OSBPL8: variants seen among roughly 807,000 people sequenced by gnomAD.
The protein encoded by OSBPL8 is oxysterol-binding protein-related protein 8.
A neutral mutation model predicts 125.5 loss-of-function variants in OSBPL8; 59 were observed. The ratio of observed to expected loss-of-function variants is 0.47; its 90% CI spans 0.38 to 0.58. OSBPL8 has a LOEUF of 0.58. Ranked by LOEUF, OSBPL8 falls within the 20% of genes least tolerant of loss-of-function variation. The probability of loss-of-function intolerance (pLI) is 0.00; values close to 1 mark genes in which losing one functional copy is unlikely to be tolerated. For synonymous variants in OSBPL8, 330 were observed against 338.9 expected (o/e 0.97, Z 0.29); for missense variants, 758 against 1,047.8 (o/e 0.72, Z 3.82).
At position 76,487,578 on chromosome 12, in the gene OSBPL8, T is replaced by C. The variant is rs1185653905; in HGVS notation, c.-27A>G. On this transcript the variant is annotated 5_prime_UTR_variant, in exon 2 of 24. Transcript: ENST00000261183. ...ATGAAAGAAGATAGGTTTATGCTTC[T>C]CTTTCCATTAATGTGCAGCCATTCT... The C allele has an allele frequency of 1.9e-6, 3 of 1,578,212 alleles. No homozygotes were observed. The highest frequency in any genetic ancestry group is 2.6e-6 in the Non-Finnish European group (3 of 1,167,038).
chr12:76,396,337 A>G (rs898549714), intron 8 of OSBPL8, among the ~76,000 whole-genome samples: 3 of 152,148 alleles, frequency 2.0e-5, no homozygotes, highest in Non-Finnish European at 4.4e-5. Flanking sequence ...CGCCCAAGAA[A>G]AAAGGATTAA....
At chr12:76,452,570 C>G (rs929303941) in intron 3 of OSBPL8, among the ~76,000 whole-genome samples, 2 of 152,318 alleles carry the variant, frequency 1.3e-5, no homozygotes, top group South Asian at 2.1e-4. Context: ...CAGGCCAAAA[C>G]CTTAGATGTG....
chr12:76,486,317 A>G (rs114389279), intron 2 of OSBPL8, among the ~76,000 whole-genome samples: 1,588 of 152,320 alleles, frequency 0.01, 36 homozygotes, highest in African/African-American at 0.037. Context: ...GCAATCTAAT[A>G]GTGACTCTCA....
chr12:76,377,237 C>T (rs752386548), intron 16 of OSBPL8, among the ~76,000 whole-genome samples: 13 of 152,132 alleles, frequency 8.5e-5, no homozygotes, highest in African/African-American at 2.2e-4. Flanking sequence ...AATAAACATA[C>T]GTGTACATGT....
At chr12:76,423,534 A>T (rs1282123513) in intron 4 of OSBPL8, among the ~76,000 whole-genome samples, 4 of 152,154 alleles carry the variant, frequency 2.6e-5, no homozygotes, top group Non-Finnish European at 2.9e-5. Flanking sequence ...AATTTTTTTT[A>T]AAAGCAACTT....
intron 4 of OSBPL8, among the ~76,000 whole-genome samples, chr12:76,426,048 T>G (rs1870112752): frequency 1.3e-5 from 2 of 152,208 alleles, no homozygotes; most frequent in South Asian, 4.1e-4. Context: ...GGCCTGAGGC[T>G]GTCTCTGTAT....
At chr12:76,544,771 C>T (rs1478226933) in intron 1 of OSBPL8, among the ~76,000 whole-genome samples, 2 of 151,784 alleles carry the variant, frequency 1.3e-5, no homozygotes, top group South Asian at 4.1e-4. Context: ...GTGAAATAGG[C>T]GAAGGTTCAA....
chr12:76,429,746 ACAG>A (rs1032971925), intron 4 of OSBPL8, among the ~76,000 whole-genome samples: 10 of 152,186 alleles, frequency 6.6e-5, no homozygotes, highest in African/African-American at 9.7e-5. Context: ...TCAAGGTCAC[ACAG>A]CAAATGAGCG....
rs1013485804 is a variant in OSBPL8, at chr12:76,504,998, C to A, written c.-67-17380G>T. On this transcript the variant is annotated intron_variant, in intron 1 of 23. Coordinates refer to ENST00000261183, the MANE Select transcript of OSBPL8 (RefSeq NM_020841.5). ...TTCCCACACCCCATGACTGCATTCC[C>A]CAACCAATCACAGCATTCCCCATTC... Among the ~76,000 whole-genome samples, 107 of 152,224 alleles carry A rather than the reference C, an allele frequency of 7.0e-4. 2 individuals carry two copies. The highest frequency in any genetic ancestry group is 2.6e-3 in the African/African-American group (106 of 41,540).
chr12:76,361,241 C>G (rs1032288275), intron 21 of OSBPL8, among the ~76,000 whole-genome samples: 1 of 152,144 alleles, frequency 6.6e-6, no homozygotes. Flanking sequence ...GTTCAAAGTT[C>G]CACAAATCTC....
intron 2 of OSBPL8, among the ~76,000 whole-genome samples, chr12:76,486,908 G>A (rs1040706959): frequency 6.6e-6 from 1 of 151,682 alleles, no homozygotes; most frequent in African/African-American, 2.4e-5. Context: ...TATTCTATCA[G>A]TATGTCTTTC....
chr12:76,486,226 C>A (rs1878119163), intron 2 of OSBPL8: 1 of 280,366 alleles, frequency 3.6e-6, no homozygotes, highest in Non-Finnish European at 7.2e-6. Context: ...AGCAAAACTG[C>A]ATTTTGCTAT....
At chr12:76,484,983 C>T (rs1162924829) in intron 2 of OSBPL8, among the ~76,000 whole-genome samples, 5 of 152,102 alleles carry the variant, frequency 3.3e-5, no homozygotes, top group East Asian at 1.9e-4. Context: ...TGCAGTGGCG[C>T]GATCTCAGCT....
At chr12:76,487,660 T>C in intron 1 of OSBPL8, 42 bp from the exon 2 acceptor site, 1 of 720,340 alleles carries the variant, frequency 1.4e-6, no homozygotes. Context: ...GGTATAAAAC[T>C]GTGACAAGTA....
rs1953978174 is a variant in OSBPL8, at chr12:76,399,930, C to T, written c.411G>A (p.Lys137=). ...NYREEKKRAT[K]ELLSTITDPS... ...GATCTGTGATTGTACTGAGCAGCTC[C>T]TTTGTGGCTCTTTTCTTTTCTTCTC... Residue 137 remains lysine, a synonymous_variant, in exon 7 of 24, where the codon AAG becomes AAA. Coordinates refer to ENST00000261183, the MANE Select transcript of OSBPL8 (RefSeq NM_020841.5). 3.7e-6 allele frequency: 6 copies of T among 1,607,832 alleles called. No individual in the cohort carries two copies. In the East Asian group the frequency reaches 8.9e-5, roughly 24 times the overall value.
At chr12:76,452,484 G>T (rs985611746) in intron 3 of OSBPL8, among the ~76,000 whole-genome samples, 1 of 151,818 alleles carries the variant, frequency 6.6e-6, no homozygotes, top group African/African-American at 2.4e-5. Context: ...TGTAATTTTT[G>T]ATTCTGCTCA....
intron 6 of OSBPL8, among the ~76,000 whole-genome samples, chr12:76,401,756 T>C (rs767800991): frequency 6.6e-6 from 1 of 152,212 alleles, no homozygotes; most frequent in Non-Finnish European, 1.5e-5. Flanking sequence ...AGTTTTGCTC[T>C]CTTTCCCAAT....
intron 1 of OSBPL8, among the ~76,000 whole-genome samples, chr12:76,499,169 C>T (rs1879603111): frequency 6.6e-6 from 1 of 152,136 alleles, no homozygotes; most frequent in Non-Finnish European, 1.5e-5. Context: ...TTCTCCAGTG[C>T]TGGATGCTTC....
chr12:76,367,616 T>C (rs1008834080), intron 21 of OSBPL8, among the ~76,000 whole-genome samples: 4 of 152,212 alleles, frequency 2.6e-5, no homozygotes, highest in African/African-American at 4.8e-5. Flanking sequence ...ATACGTCATA[T>C]ACGTTTTTTG....
Sources: allele counts gnomAD v4.1 joint callset (sites outside exome capture counted in the v4.1 genomes callset), GRCh38; gene constraint gnomAD v4.1.1; transcripts MANE v1.5; gene names NCBI Gene and HGNC (gene_info 2026-07-23, HGNC 2026-07-21).